SORCS2: variants seen among roughly 807,000 people sequenced by gnomAD.
The protein encoded by SORCS2 is VPS10 domain-containing receptor SorCS2.
SORCS2 carries 100 observed loss-of-function variants against 141.6 expected under a neutral mutation model. That is an observed-to-expected ratio of 0.71 (90% CI 0.60 to 0.83). SORCS2 has a LOEUF of 0.83. SORCS2 is among the 40% of genes least tolerant of loss of function. The pLI, the probability that SORCS2 is intolerant of heterozygous loss-of-function variation, is 0.00. For synonymous variants in SORCS2, 789 were observed against 676.9 expected (o/e 1.17, Z -2.57); for missense variants, 1,646 against 1,560.2 (o/e 1.05, Z -0.93).
In SORCS2 at chr4:7,330,513, C is replaced by T. The variant is rs1017743261; in HGVS notation, c.481-65775C>T. 3.3e-5 allele frequency among the ~76,000 whole-genome samples: 5 copies of T among 151,722 alleles called. No homozygotes were observed. In the East Asian group the frequency reaches 6.0e-4, roughly 18 times the overall value. On this transcript the variant is annotated intron_variant, in intron 1 of 26. Coordinates refer to ENST00000507866, the MANE Select transcript of SORCS2 (RefSeq NM_020777.3). ...TGCTGCCTGACTGATGGGGAAAGAG[C>T]GAGTCTGTGTCACCCTGGGGCTTGT...
intron 1 of SORCS2, among the ~76,000 whole-genome samples, chr4:7,302,102 G>A (rs138351959): frequency 2.6e-5 from 4 of 152,344 alleles, no homozygotes; most frequent in Non-Finnish European, 4.4e-5. Flanking sequence ...TTGATGACAC[G>A]ACATTTTATT....
chr4:7,268,419 C>T (rs1250846332), intron 1 of SORCS2, among the ~76,000 whole-genome samples: 1 of 152,180 alleles, frequency 6.6e-6, no homozygotes, highest in East Asian at 1.9e-4. Context: ...AATCCCTCAA[C>T]CCCTCTCCCA....
intron 1 of SORCS2, among the ~76,000 whole-genome samples, chr4:7,290,334 GTAACC>G (rs1716522290): frequency 6.6e-6 from 1 of 152,168 alleles, no homozygotes. Context: ...GCCACTATCT[GTAACC>G]TTAACTTCAG....
chr4:7,440,387 G>C (rs1727583541), intron 2 of SORCS2, among the ~76,000 whole-genome samples: 1 of 152,248 alleles, frequency 6.6e-6, no homozygotes, highest in Admixed American at 6.5e-5. Context: ...CTGACCAAGG[G>C]AGAGCACGAA....
At chr4:7,555,105 A>C (rs1213405006) in intron 3 of SORCS2, among the ~76,000 whole-genome samples, 1 of 152,222 alleles carries the variant, frequency 6.6e-6, no homozygotes, top group African/African-American at 2.4e-5. Flanking sequence ...ACTGGAGTTC[A>C]GGTCTAACCT....
At chr4:7,375,966 T>A (rs2109056841) in intron 1 of SORCS2, among the ~76,000 whole-genome samples, 1 of 152,330 alleles carries the variant, frequency 6.6e-6, no homozygotes, top group Non-Finnish European at 1.5e-5. Flanking sequence ...GAGGTTGTTA[T>A]GGAGATTAAA....
At chr4:7,567,015 C>T (rs1008229466) in intron 3 of SORCS2, among the ~76,000 whole-genome samples, 1 of 152,228 alleles carries the variant, frequency 6.6e-6, no homozygotes, top group Non-Finnish European at 1.5e-5. Context: ...TAGGAAGGAC[C>T]TGAACTTAGA....
chr4:7,631,273 G>A (rs2108848223), intron 3 of SORCS2, among the ~76,000 whole-genome samples: 1 of 151,510 alleles, frequency 6.6e-6, no homozygotes, highest in East Asian at 2.0e-4. Context: ...CTTCTGACAA[G>A]CAGGTCCAAG....
chr4:7,508,555 C>G lies in SORCS2; in HGVS notation c.549-22975C>G, dbSNP rs545777923. 4.7e-4 allele frequency among the ~76,000 whole-genome samples: 72 copies of G among 152,196 alleles called. 1 individual carries two copies. In the Middle Eastern group the frequency reaches 0.014, roughly 29 times the overall value. On this transcript the variant is annotated intron_variant, in intron 2 of 26. Coordinates refer to ENST00000507866, the MANE Select transcript of SORCS2 (RefSeq NM_020777.3). Reference sequence around the variant, plus strand: ...GTTTCACCATGTTGGCCAGGCTGGTCTCAAACTCCTGACCTCAGGTGATCC... The same window carrying G: ...GTTTCACCATGTTGGCCAGGCTGGTGTCAAACTCCTGACCTCAGGTGATCC...
chr4:7,324,535 C>T (rs1719113968), intron 1 of SORCS2, among the ~76,000 whole-genome samples: 1 of 152,216 alleles, frequency 6.6e-6, no homozygotes, highest in Non-Finnish European at 1.5e-5. Context: ...GACTGTGATT[C>T]ACCCCTGCCG....
chr4:7,533,572 G>C (rs561116549), intron 3 of SORCS2, among the ~76,000 whole-genome samples: 1 of 152,232 alleles, frequency 6.6e-6, no homozygotes, highest in African/African-American at 2.4e-5. Flanking sequence ...CCAGCTGGGA[G>C]GGTCCACAGG....
intron 3 of SORCS2, among the ~76,000 whole-genome samples, chr4:7,558,296 T>C (rs1481856357): frequency 6.6e-6 from 1 of 152,212 alleles, no homozygotes; most frequent in African/African-American, 2.4e-5. Context: ...GACAGAGCTG[T>C]CCTATGCATC....
At chr4:7,673,420 A>G (rs2108944160) in intron 8 of SORCS2, among the ~76,000 whole-genome samples, 1 of 152,346 alleles carries the variant, frequency 6.6e-6, no homozygotes, top group Non-Finnish European at 1.5e-5. Flanking sequence ...CCCGTAGGGA[A>G]GCAGCTCAGT....
intron 3 of SORCS2, among the ~76,000 whole-genome samples, chr4:7,630,131 G>T (rs900537807): frequency 1.3e-5 from 2 of 152,140 alleles, no homozygotes; most frequent in African/African-American, 4.8e-5. Flanking sequence ...ATCTGGCAAA[G>T]TGAGGCTTGT....
At chr4:7,601,616 CAA>C (rs1168678841) in intron 3 of SORCS2, among the ~76,000 whole-genome samples, 148 of 45,622 alleles carry the variant, frequency 3.2e-3, no homozygotes, top group African/African-American at 0.01. Context: ...AAGACTCTCT[CAA>C]AAAAAAAAAA....
At chr4:7,212,951 C>G (rs945089821) in intron 1 of SORCS2, among the ~76,000 whole-genome samples, 3 of 152,228 alleles carry the variant, frequency 2.0e-5, no homozygotes, top group Non-Finnish European at 4.4e-5. Context: ...CTGGGGGGAA[C>G]AACCCGTGGC....
intron 2 of SORCS2, among the ~76,000 whole-genome samples, chr4:7,452,490 T>G (rs373017773): frequency 6.6e-6 from 1 of 152,184 alleles, no homozygotes; most frequent in Admixed American, 6.5e-5. Flanking sequence ...AAGTCTATGA[T>G]GCTTTTCCGT....
At chr4:7,555,883 C>A (rs746997625) in intron 3 of SORCS2, among the ~76,000 whole-genome samples, 9 of 152,122 alleles carry the variant, frequency 5.9e-5, no homozygotes, top group African/African-American at 1.9e-4. Context: ...AGGCAGAGCC[C>A]CCAGGAAAGC....
At chr4:7,296,921 G>C (rs1436622877) in intron 1 of SORCS2, among the ~76,000 whole-genome samples, 3 of 152,168 alleles carry the variant, frequency 2.0e-5, no homozygotes. Flanking sequence ...CCGCGTGCCC[G>C]GCCTGGTGTC....
Sources: gnomAD v4.1 joint callset for allele counts (sites outside exome capture counted in the v4.1 genomes callset) on GRCh38, gnomAD v4.1.1 for gene constraint, MANE v1.5 for transcripts, NCBI Gene and HGNC (gene_info 2026-07-23, HGNC 2026-07-21) for gene names.